The following UTS2B variants were observed in gnomAD, a reference collection of about 807,000 sequenced individuals.
UTS2B encodes urotensin-2B.
A neutral mutation model predicts 19.2 loss-of-function variants in UTS2B; 21 were observed. The ratio of observed to expected loss-of-function variants is 1.09; its 90% confidence interval spans 0.78 to 1.58. The LOEUF is 1.58. UTS2B is among the 40% of genes most tolerant of loss of function. The probability of loss-of-function intolerance (pLI) is 0.00; values close to 1 mark genes in which losing one functional copy is unlikely to be tolerated. For missense variants in UTS2B, 138 were observed against 130.3 expected (o/e 1.06, Z -0.29); for synonymous variants, 57 against 50.2 (o/e 1.14, Z -0.58).
intron 3 of UTS2B, among the ~76,000 whole-genome samples, chr3:191,304,938 T>A (rs184901369): frequency 2.0e-5 from 3 of 152,222 alleles, no homozygotes; most frequent in African/African-American, 7.2e-5. Flanking sequence ...GGTTTTCCTA[T>A]GTCAGCTTTA....
the UTS2B span, among the ~76,000 whole-genome samples, chr3:191,343,230 A>G: frequency 1.3e-5 from 2 of 152,152 alleles, no homozygotes; most frequent in South Asian, 2.1e-4. Flanking sequence ...TATGATGGCT[A>G]TTATTTCTCT....
At chr3:191,330,860 T>C (rs1399422222), upstream of UTS2B, among the ~76,000 whole-genome samples, 1 of 152,166 alleles carries the variant, frequency 6.6e-6, no homozygotes, top group African/African-American at 2.4e-5. Context: ...TAGTGGTCAC[T>C]GATTTTATGT....
chr3:191,283,376 T>C (rs1716439598), intron 4 of UTS2B, among the ~76,000 whole-genome samples: 1 of 152,228 alleles, frequency 6.6e-6, no homozygotes, highest in Non-Finnish European at 1.5e-5. Context: ...TTCCTGAAGC[T>C]ACTGATCAAA....
At chr3:191,291,885 G>A (rs180973277) in intron 4 of UTS2B, among the ~76,000 whole-genome samples, 1 of 152,156 alleles carries the variant, frequency 6.6e-6, no homozygotes, top group East Asian at 1.9e-4. Flanking sequence ...CCCCATGAAT[G>A]GTCTTGGTAG....
At chr3:191,271,270 C>A (rs1037497386) in intron 8 of UTS2B, among the ~76,000 whole-genome samples, 1 of 146,994 alleles carries the variant, frequency 6.8e-6, no homozygotes, top group South Asian at 2.2e-4. Flanking sequence ...CCCATCCAGA[C>A]AATGAGATAT....
At chr3:191,340,180 T>A in the UTS2B span, among the ~76,000 whole-genome samples, 3 of 152,230 alleles carry the variant, frequency 2.0e-5, no homozygotes, top group Non-Finnish European at 4.4e-5. Flanking sequence ...CATGAGGCTC[T>A]GATTTGGAAG....
chr3:191,325,799 T>C (rs1380256966), intron 2 of UTS2B, among the ~76,000 whole-genome samples: 2 of 152,214 alleles, frequency 1.3e-5, no homozygotes, highest in Non-Finnish European at 2.9e-5. Flanking sequence ...CCTAATCCAA[T>C]CTGCAAACTA....
At chr3:191,322,659 A>G (rs1036658588) in intron 2 of UTS2B, among the ~76,000 whole-genome samples, 2 of 152,212 alleles carry the variant, frequency 1.3e-5, no homozygotes, top group African/African-American at 4.8e-5. Flanking sequence ...ATGTTTGTTA[A>G]GGTGGAGGAA....
chr3:191,277,985 TA>T, intron 6 of UTS2B, 86 bp downstream of exon 6: 1 of 660,284 alleles, frequency 1.5e-6, no homozygotes, highest in Non-Finnish European at 2.5e-6. Context: ...TCATTTAATA[TA>T]AATTAACATT....
rs528327678 is a variant in UTS2B, at chr3:191,313,064, G to A, written c.-182+2972C>T. ...GAGTCTCACTCTGTCAGGCTGGAGC[G>A]CAGTGGTGTGATCTCGGCCTCCCTG... is the stretch of plus-strand genomic sequence containing the variant. On this transcript the variant is annotated intron_variant, in intron 3 of 8. Coordinates refer to ENST00000340524, the MANE Select transcript of UTS2B (RefSeq NM_198152.5). 9.7e-4 allele frequency among the ~76,000 whole-genome samples: 147 copies of A among 151,220 alleles called. 1 individual carries two copies. Among genetic ancestry groups the A allele is most frequent in the African/African-American group, 3.1e-3 (128 of 41,104 alleles).
intron 4 of UTS2B, among the ~76,000 whole-genome samples, chr3:191,301,724 T>C (rs961248609): frequency 1.3e-4 from 19 of 151,814 alleles, no homozygotes; most frequent in African/African-American, 4.1e-4. Context: ...CTCCTGACCT[T>C]GTGATCCGCC....
intron 8 of UTS2B, among the ~76,000 whole-genome samples, chr3:191,272,381 G>T (rs935357561): frequency 6.6e-6 from 1 of 152,310 alleles, no homozygotes; most frequent in Middle Eastern, 3.4e-3. Flanking sequence ...ACTCGCATCT[G>T]CAACAGCTTG....
chr3:191,285,737 C>T, intron 4 of UTS2B, among the ~76,000 whole-genome samples: 1 of 151,736 alleles, frequency 6.6e-6, no homozygotes, highest in Admixed American at 6.6e-5. Flanking sequence ...CTGTCTCTAC[C>T]AAAACACAAA....
chr3:191,278,355 C>T (rs1446579275), intron 5 of UTS2B, among the ~76,000 whole-genome samples, 185 bp from the exon 6 acceptor site: 1 of 151,804 alleles, frequency 6.6e-6, no homozygotes. Context: ...TATGGACAGT[C>T]AGACAGACAC....
rs1716378798 is a variant in UTS2B at position 191,281,315 on chromosome 3, A to G, written c.103+772T>C. On this transcript the variant is annotated intron_variant, in intron 5 of 8. Coordinates refer to ENST00000340524, the MANE Select transcript of UTS2B (RefSeq NM_198152.5). Reference sequence around the variant, plus strand: ...ATTACTTTAAGTCACTATTTTGGAAACATAAAGAAATGTATTAAAGTTTCA... The same window carrying G: ...ATTACTTTAAGTCACTATTTTGGAAGCATAAAGAAATGTATTAAAGTTTCA... Among the ~76,000 whole-genome samples, 5 of 152,190 alleles carry G rather than the reference A, an allele frequency of 3.3e-5. No individual in the cohort carries two copies. The South Asian group carries it at 1.0e-3, about 31-fold the overall frequency.
upstream of UTS2B, among the ~76,000 whole-genome samples, chr3:191,332,715 C>T (rs919844963): frequency 3.3e-5 from 5 of 152,216 alleles, no homozygotes; most frequent in African/African-American, 9.6e-5. Flanking sequence ...GACAAACTTA[C>T]ATTTTTCAGG....
intron 4 of UTS2B, among the ~76,000 whole-genome samples, chr3:191,300,861 G>A (rs994760718): frequency 3.9e-5 from 6 of 152,180 alleles, no homozygotes; most frequent in African/African-American, 1.4e-4. Context: ...TAAGATTTCT[G>A]AGGCCTCCCC....
intron 4 of UTS2B, among the ~76,000 whole-genome samples, chr3:191,304,006 G>T (rs1717070397): frequency 6.6e-6 from 1 of 151,656 alleles, no homozygotes; most frequent in Non-Finnish European, 1.5e-5. Flanking sequence ...GTCTTGCTCT[G>T]TTGTGCCAGC....
chr3:191,293,981 GC>G (rs1414063052), intron 4 of UTS2B, among the ~76,000 whole-genome samples: 3 of 151,756 alleles, frequency 2.0e-5, no homozygotes, highest in African/African-American at 7.3e-5. Context: ...GGTGACACAC[GC>G]CTGTAATCCC....
Sources: allele counts gnomAD v4.1 joint callset (sites outside exome capture counted in the v4.1 genomes callset), GRCh38; gene constraint gnomAD v4.1.1; transcripts MANE v1.5; gene names NCBI Gene and HGNC (gene_info 2026-07-23, HGNC 2026-07-21).